NFS1: variants seen among roughly 807,000 people sequenced by gnomAD.
NFS1 encodes NFS1 cysteine desulfurase, also known as cysteine desulfurase.
In NFS1, 26 loss-of-function variants were observed where a neutral mutation model predicts 57.3. That is an observed-to-expected ratio of 0.45 (90% confidence interval 0.33 to 0.63). The LOEUF is 0.63. NFS1 is among the 20% of genes least tolerant of loss of function. NFS1 has a pLI of 0.02. For synonymous variants in NFS1, 209 were observed against 216.3 expected (o/e 0.97, Z 0.30); for missense variants, 505 against 605.8 (o/e 0.83, Z 1.75).
chr20:35,691,262 C>A (rs2035034762), intron 4 of NFS1, among the ~76,000 whole-genome samples: 1 of 152,048 alleles, frequency 6.6e-6, no homozygotes, highest in Non-Finnish European at 1.5e-5. Context: ...ATGATTCATT[C>A]ATTTAACCAA....
chr20:35,673,779 A>C, intron 10 of NFS1, 95 bp from the exon 11 acceptor site: 2 of 928,928 alleles, frequency 2.2e-6, no homozygotes, highest in Non-Finnish European at 3.4e-6. Flanking sequence ...AGGGCCCTGG[A>C]GTCATACCCT....
At chr20:35,684,418 A>ATAACATAACAAACATAAC (rs1568961155) in intron 5 of NFS1, among the ~76,000 whole-genome samples, 10 of 119,252 alleles carry the variant, frequency 8.4e-5, no homozygotes, top group East Asian at 2.5e-4. Context: ...AAATAAATAA[A>ATAACATAACAAACATAAC]ATAAAATAAA....
chr20:35,698,188 A>G (rs112882026), intron 2 of NFS1, among the ~76,000 whole-genome samples: 2 of 152,326 alleles, frequency 1.3e-5, no homozygotes, highest in African/African-American at 2.4e-5. Flanking sequence ...AACCCGTTTA[A>G]TACTTGTCCA....
At chr20:35,674,002 G>A (rs1601517491) in intron 10 of NFS1, 1 of 443,934 alleles carries the variant, frequency 2.3e-6, no homozygotes, top group South Asian at 2.4e-5. Context: ...AGGACGTAAT[G>A]CACCATCTGC....
rs1171352129 is a variant in NFS1, at chr20:35,672,738, T to C, written c.1310+17A>G. 6.4e-7 allele frequency: 1 copy of C among 1,560,098 alleles called. No individual in the cohort carries two copies. The highest frequency in any genetic ancestry group is 8.8e-7 in the Non-Finnish European group (1 of 1,130,706). Reference sequence around the variant, plus strand: ...GCTAGAGTTTCTTCCAAAGCGTCTCTGATACAATATGTATACCTCATTTCT... The same window carrying C: ...GCTAGAGTTTCTTCCAAAGCGTCTCCGATACAATATGTATACCTCATTTCT... On this transcript the variant is annotated intron_variant, in intron 12 of 12. Coordinates refer to ENST00000374092, the MANE Select transcript of NFS1 (RefSeq NM_021100.5).
At chr20:35,690,085 G>A (rs1430644586) in intron 5 of NFS1, among the ~76,000 whole-genome samples, 1 of 151,832 alleles carries the variant, frequency 6.6e-6, no homozygotes, top group Non-Finnish European at 1.5e-5. Flanking sequence ...AGTTATAAGA[G>A]CCAAACTCTG....
chr20:35,684,734 A>T (rs1249345667), intron 5 of NFS1, among the ~76,000 whole-genome samples: 2 of 151,706 alleles, frequency 1.3e-5, no homozygotes, highest in Non-Finnish European at 2.9e-5. Context: ...TGTGTGACAG[A>T]GCAAGACTCC....
At chr20:35,672,301 A>G (rs2034669570) in intron 12 of NFS1, among the ~76,000 whole-genome samples, 1 of 150,538 alleles carries the variant, frequency 6.6e-6, no homozygotes, top group Non-Finnish European at 1.5e-5. Context: ...TCAGGCTGCA[A>G]TGCAATGGTA....
chr20:35,670,876 C>T (rs1568954514), intron 12 of NFS1, among the ~76,000 whole-genome samples: 1 of 152,136 alleles, frequency 6.6e-6, no homozygotes, highest in Non-Finnish European at 1.5e-5. Context: ...AAATCCAGAA[C>T]ACAGAAAGGC....
At chr20:35,677,693 C>T (rs1358699322) in intron 7 of NFS1, among the ~76,000 whole-genome samples, 2 of 152,180 alleles carry the variant, frequency 1.3e-5, no homozygotes, top group African/African-American at 2.4e-5. Context: ...TTCTCCCACA[C>T]AGAAAAACTG....
At chr20:35,673,997 G>C (rs1232661686) in intron 10 of NFS1, 1 of 444,986 alleles carries the variant, frequency 2.2e-6, no homozygotes, top group African/African-American at 2.0e-5. Flanking sequence ...TCCCCAGGAC[G>C]TAATGCACCA....
chr20:35,688,372 T>C (rs1200467701), intron 5 of NFS1, among the ~76,000 whole-genome samples: 1 of 152,026 alleles, frequency 6.6e-6, no homozygotes, highest in African/African-American at 2.4e-5. Flanking sequence ...CTGGCCAAGA[T>C]GATAAAACCC....
At chr20:35,685,523 TA>T (rs1221626527) in intron 5 of NFS1, among the ~76,000 whole-genome samples, 4 of 138,742 alleles carry the variant, frequency 2.9e-5, no homozygotes, top group East Asian at 2.1e-4. Context: ...CCATGTCTCA[TA>T]AAAAAAAATT....
At chr20:35,692,334 C>A (rs973990008) in intron 4 of NFS1, 1 of 232,032 alleles carries the variant, frequency 4.3e-6, no homozygotes. Context: ...AGATCATGCC[C>A]CTACACTCTA....
rs542799194 is a variant in NFS1 at position 35,697,115 on chromosome 20, GTAAA to G, written c.324+565_324+568del. Among the ~76,000 whole-genome samples the G allele has an allele frequency of 9.9e-4, 149 of 150,104 alleles. No individual in the cohort carries two copies. In the South Asian group the frequency reaches 0.01, roughly 10 times the overall value. ...GAGCAAAACTCTGTCTCAAATAATA[GTAAA>G]TAAATAAATAAATAAAAATACAAAA... On this transcript the variant is annotated intron_variant, in intron 3 of 12. Coordinates refer to ENST00000374092, the MANE Select transcript of NFS1 (RefSeq NM_021100.5).
chr20:35,692,600 C>G (rs942153907), intron 4 of NFS1, among the ~76,000 whole-genome samples: 2 of 145,986 alleles, frequency 1.4e-5, no homozygotes, highest in Non-Finnish European at 3.0e-5. Context: ...CCCAGCTACT[C>G]AGGAGGATCA....
Position 35,676,616 on chromosome 20 carries a change from T to G in NFS1, c.791-1414A>C, listed in dbSNP as rs574392430. ...AAAAGATGTACCATTAGGTGAAAAA[T>G]GAAAGATTGAAACAGTGAGTACAGT... is the stretch of plus-strand genomic sequence containing the variant. On this transcript the variant is annotated intron_variant, in intron 7 of 12. Transcript: ENST00000374092. Among the ~76,000 whole-genome samples, 5 of 150,462 alleles carry G rather than the reference T, an allele frequency of 3.3e-5. No individual in the cohort carries two copies. The East Asian group carries it at 9.8e-4, about 29-fold the overall frequency.
At chr20:35,673,779 A>T in intron 10 of NFS1, 95 bp from the exon 11 acceptor site, 1 of 928,928 alleles carries the variant, frequency 1.1e-6, no homozygotes, top group Non-Finnish European at 1.7e-6. Context: ...AGGGCCCTGG[A>T]GTCATACCCT....
At chr20:35,674,034 A>G (rs2034699151) in intron 10 of NFS1, 1 of 456,866 alleles carries the variant, frequency 2.2e-6, no homozygotes, top group Non-Finnish European at 4.0e-6. Context: ...GGGCAGCCAA[A>G]CACTTAGTGG....
Sources: allele counts gnomAD v4.1 joint callset (sites outside exome capture counted in the v4.1 genomes callset), GRCh38; gene constraint gnomAD v4.1.1; transcripts MANE v1.5; gene names NCBI Gene and HGNC (gene_info 2026-07-23, HGNC 2026-07-21).